The following TMC8 variants were observed in gnomAD, a reference collection of about 807,000 sequenced individuals.
The protein encoded by TMC8 is transmembrane channel-like protein 8.
Under a neutral mutation model 76.0 loss-of-function variants are expected in TMC8, and 71 were observed. The observed-to-expected ratio is 0.93, with a 90% CI of 0.77 to 1.14. The LOEUF (loss-of-function observed/expected upper bound fraction) is 1.14, where lower values mean the gene tolerates loss of function less well. TMC8 is among the 50% of genes most tolerant of loss of function. TMC8 has a pLI of 0.00. For synonymous variants in TMC8, 433 were observed against 433.8 expected (o/e 1.00, Z 0.02); for missense variants, 924 against 947.9 (o/e 0.97, Z 0.33).
chr17:78,134,800 A>G, intron 8 of TMC8, 70 bp from the exon 9 acceptor site: 3 of 1,606,556 alleles, frequency 1.9e-6, no homozygotes, highest in Non-Finnish European at 2.5e-6. Flanking sequence ...ACTTTAGGGC[A>G]CTGTGGGGGG....
intron 9 of TMC8, among the ~76,000 whole-genome samples, chr17:78,135,500 C>T (rs1445545123): frequency 1.3e-5 from 2 of 152,106 alleles, no homozygotes; most frequent in South Asian, 2.1e-4. Context: ...AAAAGCAAGC[C>T]CTCGACCTCC....
At position 78,139,125 on chromosome 17, in the gene TMC8, CA is replaced by C. The variant is rs61658760; in HGVS notation, c.1824-36del. ...AGTCAGGGAGAGGCGCCTGTGGCCC[CA>C]GGGGCAACTGACCACGAATCCCCTT... is the stretch of plus-strand genomic sequence containing the variant. On this transcript the variant is annotated intron_variant, in intron 14 of 15. Transcript: ENST00000318430. 4.7e-4 allele frequency: 751 copies of C among 1,612,042 alleles called. 2 individuals carry two copies. In the African/African-American group the frequency reaches 9.3e-3, roughly 20 times the overall value.
intron 1 of TMC8, 113 bp from the exon 2 acceptor site, chr17:78,131,168 G>T: frequency 3.3e-6 from 1 of 305,560 alleles, no homozygotes; most frequent in South Asian, 2.9e-5. Context: ...CTCTCCTTGG[G>T]GTGACGGTGG....
At chr17:78,138,517 G>A in intron 13 of TMC8, 38 bp downstream of exon 13, 1 of 1,613,536 alleles carries the variant, frequency 6.2e-7, no homozygotes, top group Middle Eastern at 1.6e-4. Flanking sequence ...GAGGCTGGCA[G>A]GGGCAGTTTC....
chr17:78,133,823 T>C (rs754299887), intron 6 of TMC8, 30 bp from the exon 7 acceptor site: 2 of 1,612,448 alleles, frequency 1.2e-6, no homozygotes, highest in Non-Finnish European at 1.7e-6. Context: ...GTGCCCCTCC[T>C]CCAGCAGCCC....
At position 78,131,556 on chromosome 17, in the gene TMC8, C is replaced by A. The variant is rs1568011114; in HGVS notation, c.-33C>A. The stretch of plus-strand genomic sequence containing the variant: ...GACTCATATCCCCCCCACCGGCAGC[C>A]CGGCGCCCCAGCCTCTACCCGTGCC... On this transcript the variant is annotated 5_prime_UTR_variant, in exon 2 of 16. Transcript: ENST00000318430. 6.5e-7 allele frequency: 1 copy of A among 1,539,392 alleles called. No homozygotes were observed. The highest frequency in any genetic ancestry group is 2.4e-5 in the East Asian group (1 of 40,904).
intron 8 of TMC8, 64 bp downstream of exon 8, chr17:78,134,628 A>G: frequency 6.3e-7 from 1 of 1,597,800 alleles, no homozygotes. Context: ...GGATGATCCC[A>G]TTTTACAGAT....
chr17:78,132,228 G>A (rs1173310484), intron 3 of TMC8, 131 bp from the exon 4 acceptor site: 2 of 1,388,822 alleles, frequency 1.4e-6, no homozygotes, highest in Admixed American at 3.9e-5. Context: ...ACTGTCAGCG[G>A]TACCTCCGGA....
rs2145577568 is a variant in TMC8, at chr17:78,131,977, A to G, written c.245A>G (p.Gln82Arg). Residue 82 changes from glutamine to arginine, a missense_variant, in exon 3 of 16, where the codon CAG becomes CGG. By Grantham distance (43) the Gln-to-Arg change is conservative. Coordinates refer to ENST00000318430, the MANE Select transcript of TMC8 (RefSeq NM_152468.5). ...GAAAGGCGCCTGCGGGAGGCAGCGCAGCGGCTGGCCCGGGGCCTTGGGCTC... is the reference window on the plus strand; with the variant it reads ...GAAAGGCGCCTGCGGGAGGCAGCGCGGCGGCTGGCCCGGGGCCTTGGGCTC... ...TVERRLREAA[Q>R]RLARGLGLWE... 10 of 1,522,156 alleles carry G rather than the reference A, an allele frequency of 6.6e-6. No individual in the cohort carries two copies. Among genetic ancestry groups the G allele is most frequent in the Non-Finnish European group, 8.8e-6 (10 of 1,140,876 alleles). 94.3% of individuals were successfully genotyped at this position (1,522,156 alleles called of 1,614,324 possible).
In TMC8 at chr17:78,134,097, G is replaced by A. The variant is rs936152012; in HGVS notation, c.816+97G>A. The A allele has an allele frequency of 4.8e-5, 74 of 1,556,470 alleles. 1 individual carries two copies. Among genetic ancestry groups the A allele is most frequent in the South Asian group, 1.8e-4 (16 of 89,234 alleles). On this transcript the variant is annotated intron_variant, in intron 7 of 15. Transcript: ENST00000318430. ...GTTCCAGGTGTGTGCGAGCAAGTGC[G>A]ACCGTGCCAGTGTGTGTGAGCGTGT...
At position 78,134,698 on chromosome 17, in the gene TMC8, G is replaced by A; in HGVS notation, c.987+134G>A. ...GTGGCCACAGGTCACGGCCAAGGCA[G>A]GCGGGCTCCCACTGGATATTCCCGC... is the stretch of plus-strand genomic sequence containing the variant. On this transcript the variant is annotated intron_variant, in intron 8 of 15. Coordinates refer to ENST00000318430, the MANE Select transcript of TMC8 (RefSeq NM_152468.5). 2.0e-6 allele frequency: 3 copies of A among 1,508,006 alleles called. No individual in the cohort carries two copies. The Admixed American group carries it at 5.6e-5, about 28-fold the overall frequency. The allele number at this position is 1,508,006 out of a possible 1,614,324, so 93.4% of individuals were successfully genotyped here.
In TMC8 at chr17:78,142,039, C is replaced by CA. The variant is rs1260016637; in HGVS notation, c.*929dup. The stretch of plus-strand genomic sequence containing the variant: ...CCCAGGCAGGTGAGGCAGCTGGCCA[C>CA]AAGGGCAGGGCCCGGCCCCCCTCCC... On this transcript the variant is annotated 3_prime_UTR_variant, in exon 16 of 16. Coordinates refer to ENST00000318430, the MANE Select transcript of TMC8 (RefSeq NM_152468.5). The CA allele has an allele frequency of 6.6e-6, 1 of 152,554 alleles. No homozygotes were observed. The highest frequency in any genetic ancestry group is 2.4e-5 in the African/African-American group (1 of 41,472). 9.5% of individuals were successfully genotyped at this position (152,554 alleles called of 1,614,324 possible).
At chr17:78,135,686 C>G (rs1598914790) in intron 9 of TMC8, among the ~76,000 whole-genome samples, 1 of 152,218 alleles carries the variant, frequency 6.6e-6, no homozygotes, top group Non-Finnish European at 1.5e-5. Flanking sequence ...TCCCTCACGC[C>G]ACCCTCAGTC....
chr17:78,133,767 C>A (rs991852012), intron 6 of TMC8, 86 bp from the exon 7 acceptor site: 3 of 1,599,978 alleles, frequency 1.9e-6, no homozygotes, highest in African/African-American at 2.7e-5. Context: ...CTGCAGGGGC[C>A]TTCCCAGACC....
At chr17:78,140,016 T>A (rs963702506) in intron 15 of TMC8, among the ~76,000 whole-genome samples, 4 of 152,196 alleles carry the variant, frequency 2.6e-5, no homozygotes, top group African/African-American at 9.7e-5. Flanking sequence ...CACTCCAGCC[T>A]GGGCAACAAG....
rs1298605258 is a variant in TMC8 at position 78,137,856 on chromosome 17, C to T, written c.1349+42C>T. The T allele has an allele frequency of 2.5e-6, 4 of 1,606,362 alleles. No homozygotes were observed. In the East Asian group the frequency reaches 6.7e-5, roughly 27 times the overall value. ...CACCTCCAGAAGGGCGGGGGTGCCG[C>T]GAGCATGTTGGGGGTGGCCAGTGGC... On this transcript the variant is annotated intron_variant, in intron 11 of 15. Coordinates refer to ENST00000318430, the MANE Select transcript of TMC8 (RefSeq NM_152468.5).
chr17:78,137,364 T>C lies in TMC8; in HGVS notation c.1251+6T>C, dbSNP rs756485482. On this transcript the variant is annotated splice_donor_region_variant and intron_variant, in intron 10 of 15. Coordinates refer to ENST00000318430, the MANE Select transcript of TMC8 (RefSeq NM_152468.5). ...ACAACGTTTGTGACTATCAGGTGGC[T>C]GGCAGCCCGGCGGGGCCTGTCCCTC... The C allele has an allele frequency of 6.2e-7, 1 of 1,613,858 alleles. No individual in the cohort carries two copies. Among genetic ancestry groups the C allele is most frequent in the Non-Finnish European group, 8.5e-7 (1 of 1,179,984 alleles).
chr17:78,131,300 G>A lies in TMC8; in HGVS notation c.-289G>A. ...TGACAGATGGGGAGACTGAGGCCGT[G>A]GCTGTGTGTCCCTCTGAGAGTTGGA... is the stretch of plus-strand genomic sequence containing the variant. On this transcript the variant is annotated 5_prime_UTR_variant, in exon 2 of 16. It introduces an in-frame stop codon into an upstream open reading frame of the 5' UTR. Transcript: ENST00000318430. 1.8e-6 allele frequency: 1 copy of A among 550,352 alleles called. No individual in the cohort carries two copies. The highest frequency in any genetic ancestry group is 3.3e-6 in the Non-Finnish European group (1 of 305,000). The allele number at this position is 550,352 out of a possible 1,614,324, so 34.1% of individuals were successfully genotyped here.
chr17:78,132,913 C>T, intron 5 of TMC8, 43 bp downstream of exon 5: 1 of 1,605,240 alleles, frequency 6.2e-7, no homozygotes, highest in South Asian at 1.1e-5. Context: ...GTCTGGGAGA[C>T]CCAGGGAACT....
Sources: allele counts gnomAD v4.1 joint callset (sites outside exome capture counted in the v4.1 genomes callset), GRCh38; gene constraint gnomAD v4.1.1; transcripts MANE v1.5; gene names NCBI Gene and HGNC (gene_info 2026-07-23, HGNC 2026-07-21).